The following SLC12A7 variants were observed in gnomAD, a reference collection of about 807,000 sequenced individuals.
SLC12A7 encodes solute carrier family 12 member 7.
SLC12A7 carries 100 observed loss-of-function variants against 120.6 expected under a neutral mutation model. That is an observed-to-expected ratio of 0.83 (90% CI 0.71 to 0.98). The LOEUF is 0.98. Ranked by LOEUF, SLC12A7 falls within the 50% of genes least tolerant of loss-of-function variation. SLC12A7 has a pLI of 0.00. For missense variants in SLC12A7, 1,373 were observed against 1,548.1 expected (o/e 0.89, Z 1.90); for synonymous variants, 760 against 678.0 (o/e 1.12, Z -1.88).
At chr5:1,095,052 GGGCCGGTAGGAGGT>G (rs1344107120) in intron 1 of SLC12A7, among the ~76,000 whole-genome samples, 41 of 144,636 alleles carry the variant, frequency 2.8e-4, no homozygotes, top group East Asian at 4.1e-4. Flanking sequence ...GTAGGAGGCG[GGGCCGGTAGGAGGT>G]GGGGCCCGTA....
At chr5:1,076,937 G>A (rs1738416494) in intron 12 of SLC12A7, 125 bp from the exon 13 acceptor site, 1 of 708,378 alleles carries the variant, frequency 1.4e-6, no homozygotes, top group African/African-American at 1.7e-5. Flanking sequence ...GCCTTTCACA[G>A]TAGGTCCCCG....
the SLC12A7 span, among the ~76,000 whole-genome samples, chr5:1,145,953 C>T: frequency 1.1e-3 from 163 of 152,258 alleles, no homozygotes; most frequent in African/African-American, 3.5e-3. This position sits in a 1 kb window ranked among gnomAD's most constrained non-coding sequence, Gnocchi z 4.4. Context: ...AAACCATCAC[C>T]GCCATCCTTC....
At chr5:1,129,303 T>A in the SLC12A7 span, among the ~76,000 whole-genome samples, 1 of 151,436 alleles carries the variant, frequency 6.6e-6, no homozygotes, top group African/African-American at 2.4e-5. Context: ...AAGTCGGAGG[T>A]GGGCAGGACG....
Position 1,073,669 on chromosome 5 carries a change from G to T in SLC12A7, c.2205C>A (p.Tyr735Ter). The change falls in exon 17 of 24, where the codon TAC (tyrosine) becomes TAA (stop). Residue 735 changes from tyrosine (Y) to a stop codon, truncating the protein, a stop_gained. Coordinates refer to ENST00000264930, the MANE Select transcript of SLC12A7 (RefSeq NM_006598.3). LOFTEE classifies it high-confidence loss of function. ...GCTGAGCCTCCATGTGCTTGTCCAG[G>T]TACGTCCCCTCCAGCACCGAGCCCA... is the stretch of plus-strand genomic sequence containing the variant. Reference protein sequence around the residue: ...TIVGSVLEGTYLDKHMEAQRA... With the variant: ...TIVGSVLEGT 1 of 1,603,632 alleles carries T rather than the reference G, an allele frequency of 6.2e-7. No homozygotes were observed. The highest frequency in any genetic ancestry group is 1.1e-5 in the South Asian group (1 of 90,484).
At chr5:1,130,425 G>A in the SLC12A7 span, among the ~76,000 whole-genome samples, 5 of 150,132 alleles carry the variant, frequency 3.3e-5, no homozygotes, top group African/African-American at 7.3e-5. Flanking sequence ...AGCTGTGGGA[G>A]GAAGAGAGGC....
At position 1,053,513 on chromosome 5, in the gene SLC12A7, G is replaced by A. The variant is rs12332391; in HGVS notation, c.3027-31C>T. On this transcript the variant is annotated intron_variant, in intron 22 of 23. Coordinates refer to ENST00000264930, the MANE Select transcript of SLC12A7 (RefSeq NM_006598.3). ...GGGGAGGTGGGCACGGTCAGCGGGC[G>A]GCGGGTGCACCCCACGCTCCGGACA... The A allele has an allele frequency of 4.8e-3, 7,738 of 1,607,794 alleles. 188 individuals carry two copies. The African/African-American group carries it at 0.063, about 13-fold the overall frequency.
chr5:1,058,948 G>A (rs899241193), intron 21 of SLC12A7, among the ~76,000 whole-genome samples: 3 of 152,172 alleles, frequency 2.0e-5, no homozygotes, highest in African/African-American at 4.8e-5. Flanking sequence ...GGGGCCCTTC[G>A]AGCTCGAGCT....
At chr5:1,131,483 C>T in the SLC12A7 span, among the ~76,000 whole-genome samples, 6 of 152,336 alleles carry the variant, frequency 3.9e-5, no homozygotes, top group African/African-American at 1.4e-4. Flanking sequence ...GCCACGCTGT[C>T]GGAAGCAGGC....
chr5:1,150,343 C>G, the SLC12A7 span, among the ~76,000 whole-genome samples: 2 of 151,852 alleles, frequency 1.3e-5, no homozygotes, highest in Non-Finnish European at 2.9e-5. Context: ...CACCTGCCCC[C>G]TAACCCCATC....
At chr5:1,080,946 A>G (rs1443552346) in intron 9 of SLC12A7, among the ~76,000 whole-genome samples, 1 of 152,160 alleles carries the variant, frequency 6.6e-6, no homozygotes, top group Non-Finnish European at 1.5e-5. Flanking sequence ...CCCCTGAGCC[A>G]AACAGGCAAG....
chr5:1,121,885 T>C, the SLC12A7 span, among the ~76,000 whole-genome samples: 477 of 152,160 alleles, frequency 3.1e-3, 3 homozygotes, highest in Non-Finnish European at 5.3e-3. Context: ...CCTGATGGGG[T>C]TGTGCAAGTG....
At chr5:1,112,979 T>G (rs1743159278), upstream of SLC12A7, among the ~76,000 whole-genome samples, 1 of 150,856 alleles carries the variant, frequency 6.6e-6, no homozygotes, top group South Asian at 2.1e-4. Flanking sequence ...CTTCCCTCCT[T>G]GGGAAATGTT....
chr5:1,064,020 T>G (rs1736633815), intron 19 of SLC12A7, 45 bp from the exon 20 acceptor site: 5 of 1,605,122 alleles, frequency 3.1e-6, no homozygotes, highest in East Asian at 4.5e-5. Flanking sequence ...GAGGAGCCCG[T>G]CCCGGCCCGC....
chr5:1,094,812 A>G (rs1309903783), intron 1 of SLC12A7, among the ~76,000 whole-genome samples: 1 of 152,134 alleles, frequency 6.6e-6, no homozygotes, highest in Non-Finnish European at 1.5e-5. Context: ...CTCTAGGTAA[A>G]TGAGCCCCTC....
intron 1 of SLC12A7, among the ~76,000 whole-genome samples, chr5:1,095,985 A>C (rs1741095490): frequency 6.6e-6 from 1 of 152,188 alleles, no homozygotes; most frequent in African/African-American, 2.4e-5. Context: ...CAAAAACGTC[A>C]GGGAGACAAC....
At chr5:1,085,061 G>C in intron 7 of SLC12A7, among the ~76,000 whole-genome samples, 171 bp downstream of exon 7, 1 of 152,226 alleles carries the variant, frequency 6.6e-6, no homozygotes, top group Non-Finnish European at 1.5e-5. Flanking sequence ...CTCACCGTTG[G>C]GTTTCCTGTA....
intron 14 of SLC12A7, chr5:1,075,753 G>A: frequency 1.9e-6 from 1 of 525,098 alleles, no homozygotes. Context: ...GGCTGTGCAT[G>A]CAACAAGGGG....
chr5:1,118,898 A>G, the SLC12A7 span, among the ~76,000 whole-genome samples: 1 of 151,944 alleles, frequency 6.6e-6, no homozygotes, highest in Non-Finnish European at 1.5e-5. Context: ...CTGGCGGGAG[A>G]GGCAGAGCTG....
rs115544359 is a variant in SLC12A7, at chr5:1,087,154, C to T, written c.545-121G>A. ...TGTCTCTGCGAAGGCAGCGTGTAGA[C>T]CCTCGTCCACCCGCAAAGCAGCACA... On this transcript the variant is annotated intron_variant, in intron 5 of 23. Transcript: ENST00000264930. 3.2e-4 allele frequency: 413 copies of T among 1,276,800 alleles called. No homozygotes were observed. The African/African-American group carries it at 5.2e-3, about 16-fold the overall frequency. The allele number at this position is 1,276,800 out of a possible 1,614,324, so 79.1% of individuals were successfully genotyped here. A position where few individuals can be genotyped will look rare whatever the true frequency, so the allele number is the denominator to read the frequency against.
Sources: gnomAD v4.1 joint callset for allele counts (sites outside exome capture counted in the v4.1 genomes callset) on GRCh38, gnomAD v4.1.1 for gene constraint, Gnocchi (gnomAD v3.1) non-coding constraint, MANE v1.5 for transcripts, NCBI Gene and HGNC (gene_info 2026-07-23, HGNC 2026-07-21) for gene names.